The following MGAT5 variants were observed in gnomAD, a reference collection of about 807,000 sequenced individuals.
The protein encoded by MGAT5 is alpha-1,6-mannosylglycoprotein 6-beta-N-acetylglucosaminyltransferase A.
MGAT5 carries 30 observed loss-of-function variants against 94.3 expected under a neutral mutation model. The ratio of observed to expected loss-of-function variants is 0.32; its 90% CI spans 0.24 to 0.43. MGAT5 has a LOEUF of 0.43. MGAT5 is among the 20% of genes least tolerant of loss of function. MGAT5 has a pLI of 1.00. For synonymous variants in MGAT5, 310 were observed against 322.9 expected, an observed-to-expected ratio of 0.96 and a Z score of 0.43; for missense variants, 691 against 905.5, an observed-to-expected ratio of 0.76 and a Z score of 3.04.
chr2:134,165,634 T>G (rs973993565), intron 1 of MGAT5, among the ~76,000 whole-genome samples: 4 of 151,792 alleles, frequency 2.6e-5, no homozygotes, highest in Non-Finnish European at 5.9e-5. Context: ...AATTAGCCAG[T>G]CATGGTGGCG....
rs1686013668 is a variant in MGAT5, at chr2:134,449,978, A to G, written c.*1131A>G. 1.3e-5 allele frequency: 2 copies of G among 152,268 alleles called. No homozygotes were observed. The highest frequency in any genetic ancestry group is 1.9e-4 in the East Asian group (1 of 5,158). 9.4% of individuals were successfully genotyped at this position (152,268 alleles called of 1,614,324 possible). ...ATGCAGTGCCCTGTCCTGGCTACTCACCTGAGGGTGTAGCTCGCAAAGGTG... is the reference window on the plus strand; with the variant it reads ...ATGCAGTGCCCTGTCCTGGCTACTCGCCTGAGGGTGTAGCTCGCAAAGGTG... On this transcript the variant is annotated 3_prime_UTR_variant, in exon 16 of 16. Transcript: ENST00000281923.
intron 1 of MGAT5, among the ~76,000 whole-genome samples, chr2:134,147,445 A>G (rs1378918009): frequency 6.6e-6 from 1 of 152,226 alleles, no homozygotes; most frequent in Admixed American, 6.5e-5. Flanking sequence ...GTCTTGAGGC[A>G]GATAACACAG....
chr2:134,339,403 G>T (rs566963986), intron 6 of MGAT5, among the ~76,000 whole-genome samples: 1 of 152,238 alleles, frequency 6.6e-6, no homozygotes, highest in Non-Finnish European at 1.5e-5. Flanking sequence ...TATACATAAA[G>T]ATATATACAG....
At chr2:134,367,217 C>T (rs1680487354) in intron 10 of MGAT5, among the ~76,000 whole-genome samples, 1 of 152,180 alleles carries the variant, frequency 6.6e-6, no homozygotes, top group Non-Finnish European at 1.5e-5. Context: ...AGTCTAAATA[C>T]ATGTTTGCTG....
At chr2:134,240,028 C>T (rs188834403) in intron 1 of MGAT5, among the ~76,000 whole-genome samples, 1 of 151,908 alleles carries the variant, frequency 6.6e-6, no homozygotes, top group East Asian at 1.9e-4. Context: ...GTTCAGATAC[C>T]TAGATGAATA....
chr2:134,239,657 C>T (rs961376568), intron 1 of MGAT5, among the ~76,000 whole-genome samples: 1 of 151,862 alleles, frequency 6.6e-6, no homozygotes, highest in Non-Finnish European at 1.5e-5. Flanking sequence ...ACCTTAATTC[C>T]ATCTAATACC....
chr2:134,198,104 C>G (rs1679587149), intron 1 of MGAT5, among the ~76,000 whole-genome samples: 1 of 152,152 alleles, frequency 6.6e-6, no homozygotes, highest in South Asian at 2.1e-4. Context: ...CTACTGGTAA[C>G]TAGAAATGAA....
At chr2:134,237,146 T>TGTGTGTGTGC (rs1553499251) in intron 1 of MGAT5, among the ~76,000 whole-genome samples, 8 of 122,952 alleles carry the variant, frequency 6.5e-5, no homozygotes, top group Non-Finnish European at 1.5e-4. Flanking sequence ...TGTGTGTGTG[T>TGTGTGTGTGC]GTGCGCGTGT....
intron 1 of MGAT5, among the ~76,000 whole-genome samples, chr2:134,137,894 T>C (rs1424422991): frequency 6.6e-6 from 1 of 152,154 alleles, no homozygotes; most frequent in African/African-American, 2.4e-5. Context: ...TTTTCTTTTT[T>C]TTTTTTGCAA....
chr2:134,356,666 A>G (rs537260703), intron 9 of MGAT5, among the ~76,000 whole-genome samples: 3 of 152,296 alleles, frequency 2.0e-5, no homozygotes, highest in South Asian at 4.1e-4. Flanking sequence ...TGGCAACTAG[A>G]GGCAAGTTTT....
rs1035763038 is a variant in MGAT5, at chr2:134,178,099, C to CA, written c.-143+57818dup. ...TTTGTTTTGTTTTGTTTTTTTCTCT[C>CA]AAAAAAAAAAGAGGTGAGATTTTGG... On this transcript the variant is annotated intron_variant, in intron 1 of 16. Coordinates refer to the MGAT5 transcript ENST00000409645. Among the ~76,000 whole-genome samples the CA allele has an allele frequency of 3.3e-3, 466 of 142,104 alleles. 4 individuals are homozygous for CA. The highest frequency in any genetic ancestry group is 0.011 in the African/African-American group (430 of 38,674). The allele number at this position is 142,104 out of a possible 152,430, so 93.2% of individuals were successfully genotyped here.
At chr2:134,357,788 G>A (rs943507628) in intron 9 of MGAT5, among the ~76,000 whole-genome samples, 1 of 151,540 alleles carries the variant, frequency 6.6e-6, no homozygotes, top group Non-Finnish European at 1.5e-5. Flanking sequence ...CAATTTAGGC[G>A]CTCATCTTCT....
At chr2:134,247,300 A>G (rs1158180038) in intron 1 of MGAT5, among the ~76,000 whole-genome samples, 1 of 148,598 alleles carries the variant, frequency 6.7e-6, no homozygotes, top group Non-Finnish European at 1.5e-5. Context: ...TCTGGCATTT[A>G]ATTAGGGTAG....
At chr2:134,145,214 C>CTCTCTCTGTGTG (rs373377770) in intron 1 of MGAT5, among the ~76,000 whole-genome samples, 50 of 143,870 alleles carry the variant, frequency 3.5e-4, no homozygotes, top group East Asian at 2.0e-3. Context: ...GTCTCTCTCT[C>CTCTCTCTGTGTG]TGTGTGTGTG....
At chr2:134,322,283 T>C (rs1281761851) in intron 4 of MGAT5, among the ~76,000 whole-genome samples, 2 of 152,202 alleles carry the variant, frequency 1.3e-5, no homozygotes, top group African/African-American at 4.8e-5. Context: ...AATCAATTTC[T>C]GGTTCTCATT....
At chr2:134,231,221 G>A (rs528382567) in intron 1 of MGAT5, 1 of 152,264 alleles carries the variant, frequency 6.6e-6, no homozygotes, top group Non-Finnish European at 1.5e-5. Context: ...CCTTGAATGT[G>A]TCCAATCTGT....
intron 4 of MGAT5, 61 bp from the exon 5 acceptor site, chr2:134,336,156 T>C (rs1688319515): frequency 7.3e-7 from 1 of 1,379,110 alleles, no homozygotes; most frequent in African/African-American, 1.5e-5. Context: ...CTCGGTGCTT[T>C]TTATGTATAT....
At chr2:134,281,662 C>T (rs1397197350) in intron 2 of MGAT5, among the ~76,000 whole-genome samples, 5 of 152,174 alleles carry the variant, frequency 3.3e-5, no homozygotes, top group Non-Finnish European at 1.5e-5. Context: ...CTTGTCACAG[C>T]AAACTTAAGC....
chr2:134,354,734 G>A (rs1222526687), intron 9 of MGAT5, among the ~76,000 whole-genome samples: 2 of 152,144 alleles, frequency 1.3e-5, no homozygotes, highest in Admixed American at 6.5e-5. Flanking sequence ...AGCTTCTGGA[G>A]GGACTGGTGG....
Sources: gnomAD v4.1 joint callset for allele counts (sites outside exome capture counted in the v4.1 genomes callset) on GRCh38, gnomAD v4.1.1 for gene constraint, MANE v1.5 for transcripts, NCBI Gene and HGNC (gene_info 2026-07-23, HGNC 2026-07-21) for gene names.